Variants in GARIN1A observed in about 807,000 individuals in gnomAD.
GARIN1A encodes Golgi-associated RAB2 interactor protein 1A.
At chr7:128,676,605 TATAG>T in the GARIN1A span, among the ~76,000 whole-genome samples, 6 of 151,976 alleles carry the variant, frequency 3.9e-5, no homozygotes, top group African/African-American at 9.7e-5. Context: ...TCTTTGTCAA[TATAG>T]ATAGAGGGGG....
chr7:128,695,960 C>G, the GARIN1A span, among the ~76,000 whole-genome samples: 1 of 143,752 alleles, frequency 7.0e-6, no homozygotes, highest in Non-Finnish European at 1.5e-5. The surrounding 1 kb of genome is among the most constrained non-coding windows in gnomAD (Gnocchi z 4.5). Flanking sequence ...AGTGTAGATG[C>G]TTGTGTGGAA....
chr7:128,699,271 C>G, the GARIN1A span, among the ~76,000 whole-genome samples: 68 of 143,856 alleles, frequency 4.7e-4, 4 homozygotes, highest in South Asian at 0.012. Context: ...CCCCCCCCCC[C>G]CCACCACCAA....
chr7:128,678,083 C>T, the GARIN1A span: 19 of 220,454 alleles, frequency 8.6e-5, no homozygotes, highest in Admixed American at 9.4e-4. Context: ...TGCAATGGCG[C>T]GATCTCGGCT....
the GARIN1A span, chr7:128,691,313 T>G: frequency 6.6e-6 from 1 of 152,172 alleles, no homozygotes; most frequent in Non-Finnish European, 1.5e-5. Context: ...GGTTTCCAGG[T>G]GGGTTTGGCC....
chr7:128,698,081 A>C, the GARIN1A span, among the ~76,000 whole-genome samples: 1 of 152,184 alleles, frequency 6.6e-6, no homozygotes, highest in African/African-American at 2.4e-5. Context: ...CAGGATATCA[A>C]TTTTTAAAAT....
the GARIN1A span, among the ~76,000 whole-genome samples, chr7:128,707,131 G>A: frequency 6.6e-6 from 1 of 151,748 alleles, no homozygotes; most frequent in Admixed American, 6.6e-5. Context: ...TACCTGTGAA[G>A]CCAACCTTAC....
At chr7:128,689,377 C>CCTACTAGG in the GARIN1A span, among the ~76,000 whole-genome samples, 1 of 151,350 alleles carries the variant, frequency 6.6e-6, no homozygotes. Flanking sequence ...CCCGGCCGCC[C>CCTACTAGG]ATCGTCTGAG....
the GARIN1A span, chr7:128,691,160 A>AT: frequency 7.0e-6 from 1 of 142,552 alleles, no homozygotes; most frequent in East Asian, 2.5e-4. Flanking sequence ...TTGAAGCTCA[A>AT]TTTGGGGGAT....
chr7:128,689,101 T>C, the GARIN1A span, among the ~76,000 whole-genome samples: 1 of 152,022 alleles, frequency 6.6e-6, no homozygotes, highest in Non-Finnish European at 1.5e-5. Flanking sequence ...GTTCACTCAG[T>C]GCTCAATGTT....
the GARIN1A span, chr7:128,708,918 C>T: frequency 7.2e-5 from 11 of 152,178 alleles, no homozygotes; most frequent in African/African-American, 2.7e-4. Context: ...CTCATGGCCA[C>T]CCAGTGAAAA....
the GARIN1A span, chr7:128,691,119 C>T: frequency 2.0e-5 from 3 of 151,914 alleles, no homozygotes; most frequent in East Asian, 1.9e-4. Flanking sequence ...CTGTACACAT[C>T]GAATATAGAT....
the GARIN1A span, among the ~76,000 whole-genome samples, chr7:128,700,850 G>A: frequency 2.0e-5 from 3 of 152,112 alleles, no homozygotes; most frequent in East Asian, 1.9e-4. Flanking sequence ...ACACACACAC[G>A]ATGCACTACC....
chr7:128,689,055 A>G, the GARIN1A span, among the ~76,000 whole-genome samples: 3 of 151,768 alleles, frequency 2.0e-5, no homozygotes, highest in East Asian at 3.9e-4. Context: ...CGCCAGCCTC[A>G]GCCTCCCGAG....
At chr7:128,680,490 C>T in the GARIN1A span, among the ~76,000 whole-genome samples, 2 of 152,062 alleles carry the variant, frequency 1.3e-5, no homozygotes, top group African/African-American at 2.4e-5. Context: ...CACAAGGATC[C>T]CTGGGGTAAA....
At chr7:128,672,278 G>A in the GARIN1A span, 55 of 812,728 alleles carry the variant, frequency 6.8e-5, 1 homozygote, top group South Asian at 8.1e-4. Flanking sequence ...TGGACAGCCC[G>A]TAAGTAAATG....
chr7:128,672,191 T>C, the GARIN1A span: 58,657 of 491,346 alleles, frequency 0.12, 4,107 homozygotes, highest in African/African-American at 0.2. Flanking sequence ...CTTTTTTTTT[T>C]CCCTTTTCTG....
chr7:128,672,776 T>A, the GARIN1A span, among the ~76,000 whole-genome samples: 2 of 152,094 alleles, frequency 1.3e-5, no homozygotes, highest in Non-Finnish European at 2.9e-5. Flanking sequence ...TCTAGGGAAA[T>A]TGATTTATGC....
At chr7:128,705,386 T>A in the GARIN1A span, among the ~76,000 whole-genome samples, 14 of 152,178 alleles carry the variant, frequency 9.2e-5, no homozygotes, top group Non-Finnish European at 1.5e-4. Context: ...TGGGTCTTGT[T>A]TTCTCGGCAG....
chr7:128,707,075 T>C, the GARIN1A span, among the ~76,000 whole-genome samples: 4,066 of 152,102 alleles, frequency 0.027, 86 homozygotes, highest in Middle Eastern at 0.044. Flanking sequence ...TGTAAAAAGC[T>C]GTATATATTT....
Sources: allele counts gnomAD v4.1 joint callset (sites outside exome capture counted in the v4.1 genomes callset), GRCh38; gene constraint gnomAD v4.1.1; non-coding constraint Gnocchi (gnomAD v3.1); transcripts MANE v1.5; gene names NCBI Gene and HGNC (gene_info 2026-07-23, HGNC 2026-07-21).